Variants in KLHDC4 observed in about 807,000 individuals in gnomAD.
KLHDC4 encodes kelch domain-containing protein 4.
In KLHDC4, 90 loss-of-function variants were observed where a neutral mutation model predicts 62.4. The ratio of observed to expected loss-of-function variants is 1.44; its 90% CI spans 1.22 to 1.72. The LOEUF is 1.72. Among genes scored for constraint, KLHDC4 ranks in the 40% most tolerant of loss-of-function variants. The probability of loss-of-function intolerance (pLI) is 0.00; values close to 1 mark genes in which losing one functional copy is unlikely to be tolerated. For synonymous variants in KLHDC4, 386 were observed against 284.4 expected (o/e 1.36, Z -3.59); for missense variants, 1,025 against 699.7 (o/e 1.47, Z -5.25).
intron 10 of KLHDC4, 32 bp downstream of exon 10, chr16:87,709,233 C>A: frequency 6.3e-7 from 1 of 1,589,016 alleles, no homozygotes; most frequent in Non-Finnish European, 8.6e-7. Context: ...CTCTCGCTCC[C>A]GGGCACGGAG....
Position 87,755,240 on chromosome 16 carries a change from G to C in KLHDC4, c.323C>G (p.Thr108Ser), listed in dbSNP as rs2044683654. The C allele has an allele frequency of 7.4e-6, 12 of 1,611,818 alleles. No homozygotes were observed. Among genetic ancestry groups the C allele is most frequent in the Non-Finnish European group, 1.0e-5 (12 of 1,178,150 alleles). Residue 108 changes from threonine to serine, a missense_variant, in exon 4 of 12, where the codon ACC becomes AGC. By Grantham distance (58) the Thr-to-Ser change is moderately conservative. Transcript: ENST00000270583. ...AGGTGGACTGGGGATGTCAACTTTG[G>C]TCCAGGTGTCCTTTCTGGTATTGTA... ...YVYNTRKDTW[T>S]KVDIPSPPPR...
intron 7 of KLHDC4, among the ~76,000 whole-genome samples, chr16:87,715,278 A>T (rs1051031605): frequency 6.6e-6 from 1 of 152,084 alleles, no homozygotes; most frequent in Non-Finnish European, 1.5e-5. Flanking sequence ...TTAATACACT[A>T]TTTTAGAAGT....
chr16:87,721,360 G>A (rs138755647), intron 7 of KLHDC4, among the ~76,000 whole-genome samples: 3,305 of 148,516 alleles, frequency 0.022, 57 homozygotes, highest in Non-Finnish European at 0.031. Context: ...CTTGCAGTGC[G>A]CCGAGATTGC....
intron 1 of KLHDC4, among the ~76,000 whole-genome samples, chr16:87,762,701 C>T (rs1022784940): frequency 6.6e-6 from 1 of 152,208 alleles, no homozygotes; most frequent in Non-Finnish European, 1.5e-5. Context: ...TTACTACCAT[C>T]GAGAGTGACT....
At chr16:87,742,174 C>T (rs916535662) in intron 5 of KLHDC4, among the ~76,000 whole-genome samples, 1 of 152,132 alleles carries the variant, frequency 6.6e-6, no homozygotes, top group Non-Finnish European at 1.5e-5. Context: ...CCCCCAAGCC[C>T]AATTACAGGC....
intron 5 of KLHDC4, among the ~76,000 whole-genome samples, chr16:87,738,319 G>C (rs907641405): frequency 6.6e-6 from 1 of 151,950 alleles, no homozygotes; most frequent in Admixed American, 6.6e-5. Context: ...CCTCACATCA[G>C]GAGAAAACAG....
intron 7 of KLHDC4, among the ~76,000 whole-genome samples, chr16:87,723,345 G>C (rs1347985708): frequency 1.3e-5 from 2 of 152,252 alleles, no homozygotes; most frequent in Non-Finnish European, 2.9e-5. Flanking sequence ...AGTGGATTGA[G>C]ATCACCCACC....
intron 8 of KLHDC4, among the ~76,000 whole-genome samples, chr16:87,711,717 G>A (rs909600144): frequency 2.6e-5 from 4 of 151,506 alleles, no homozygotes; most frequent in African/African-American, 9.8e-5. Flanking sequence ...GCAGTGGAAA[G>A]GCAGGGATTG....
rs1163841480 is a variant in KLHDC4 at position 87,708,037 on chromosome 16, G to C, written c.*40C>G. 1 of 523,782 alleles carries C rather than the reference G, an allele frequency of 1.9e-6. No homozygotes were observed. The highest frequency in any genetic ancestry group is 5.0e-5 in the East Asian group (1 of 19,912). The allele number at this position is 523,782 out of a possible 1,614,324, so 32.4% of individuals were successfully genotyped here. On this transcript the variant is annotated 3_prime_UTR_variant, in exon 12 of 12. Coordinates refer to ENST00000270583, the MANE Select transcript of KLHDC4 (RefSeq NM_017566.4). ...ACACGGCTGGGTCCTGGGCGGACGTGGGCACAGCACTTGCCAGGCGCCCCT... is the reference window on the plus strand; with the variant it reads ...ACACGGCTGGGTCCTGGGCGGACGTCGGCACAGCACTTGCCAGGCGCCCCT...
intron 5 of KLHDC4, among the ~76,000 whole-genome samples, chr16:87,736,719 T>G (rs993879745): frequency 6.6e-6 from 1 of 152,234 alleles, no homozygotes; most frequent in Admixed American, 6.5e-5. Context: ...TGATTACTAC[T>G]CAGAGAAAAA....
At chr16:87,705,503 G>C (rs1158539237), downstream of KLHDC4, among the ~76,000 whole-genome samples, 4 of 152,232 alleles carry the variant, frequency 2.6e-5, no homozygotes, top group Admixed American at 6.5e-5. Context: ...AGCAACAAAA[G>C]CAAAATGCTT....
At chr16:87,730,290 G>A (rs1312968457) in intron 6 of KLHDC4, among the ~76,000 whole-genome samples, 1 of 152,224 alleles carries the variant, frequency 6.6e-6, no homozygotes, top group African/African-American at 2.4e-5. Context: ...CACATCATTT[G>A]CAGGACCTGG....
At chr16:87,723,677 C>T (rs921604706) in intron 7 of KLHDC4, among the ~76,000 whole-genome samples, 4 of 152,244 alleles carry the variant, frequency 2.6e-5, no homozygotes, top group African/African-American at 9.6e-5. Flanking sequence ...CCGATCAACT[C>T]GGTACAATCT....
chr16:87,700,724 TTGGAGGGC>T (rs2034103825), exon 1 of KLHDC4: 3 of 59,478 alleles, frequency 5.0e-5, no homozygotes, highest in African/African-American at 3.4e-4. Flanking sequence ...AGGGAGGAGG[TTGGAGGGC>T]GGAGGGGAGG....
At chr16:87,757,690 G>T (rs921254101) in intron 2 of KLHDC4, among the ~76,000 whole-genome samples, 1 of 151,944 alleles carries the variant, frequency 6.6e-6, no homozygotes, top group Non-Finnish European at 1.5e-5. Flanking sequence ...AGGAGTTCAA[G>T]ACCAGCCTGG....
chr16:87,754,154 A>G (rs1053806723), intron 4 of KLHDC4, among the ~76,000 whole-genome samples: 1 of 151,140 alleles, frequency 6.6e-6, no homozygotes. Context: ...AAAATAAAAT[A>G]AAGATTCAAA....
At chr16:87,734,001 AC>A (rs1458136281) in intron 5 of KLHDC4, among the ~76,000 whole-genome samples, 1 of 152,112 alleles carries the variant, frequency 6.6e-6, no homozygotes, top group Non-Finnish European at 1.5e-5. Context: ...TGTCCCCAAA[AC>A]CCACTTACAG....
chr16:87,743,236 G>C (rs892481290), intron 5 of KLHDC4, among the ~76,000 whole-genome samples: 9 of 152,138 alleles, frequency 5.9e-5, no homozygotes, highest in Non-Finnish European at 1.0e-4. Context: ...CTCCCAAGTA[G>C]CTGGGATTAC....
At chr16:87,765,632 C>T (rs985961693) in intron 1 of KLHDC4, among the ~76,000 whole-genome samples, 160 bp downstream of exon 1, 1 of 152,104 alleles carries the variant, frequency 6.6e-6, no homozygotes, top group African/African-American at 2.4e-5. Context: ...CCCGTCTGGG[C>T]TGCCCGGACG....
Sources: gnomAD v4.1 joint callset for allele counts (sites outside exome capture counted in the v4.1 genomes callset) on GRCh38, gnomAD v4.1.1 for gene constraint, MANE v1.5 for transcripts, NCBI Gene and HGNC (gene_info 2026-07-23, HGNC 2026-07-21) for gene names.